The following ARHGAP11B variants were observed in gnomAD, a reference collection of about 807,000 sequenced individuals.
ARHGAP11B encodes Rho GTPase activating protein 11B.
A neutral mutation model predicts 27.6 loss-of-function variants in ARHGAP11B; 14 were observed. That is an observed-to-expected ratio of 0.51 (90% CI 0.34 to 0.79). The LOEUF is 0.79. Ranked by LOEUF, ARHGAP11B falls within the 30% of genes least tolerant of loss-of-function variation. The pLI, the probability that ARHGAP11B is intolerant of heterozygous loss-of-function variation, is 0.02. For synonymous variants in ARHGAP11B, 82 were observed against 114.1 expected (o/e 0.72, Z 1.80); for missense variants, 245 against 320.1 (o/e 0.77, Z 1.79).
chr15:30,643,372 G>A (rs1161463492), intron 7 of ARHGAP11B, among the ~76,000 whole-genome samples: 8 of 150,924 alleles, frequency 5.3e-5, no homozygotes, highest in Admixed American at 6.6e-5. Flanking sequence ...TCTGCCGACC[G>A]GGTTCAAGCT....
At chr15:30,633,276 C>T (rs1043032580) in intron 2 of ARHGAP11B, among the ~76,000 whole-genome samples, 1 of 151,882 alleles carries the variant, frequency 6.6e-6, no homozygotes, top group African/African-American at 2.4e-5. Flanking sequence ...ATTTAGTGTG[C>T]ATATTGGAGT....
rs1470525621 is a variant in ARHGAP11B, at chr15:30,628,669, T to C, written c.129+1720T>C. ...TGCCTCCTAATTGGTAATCACGCCA[T>C]ATAAATTCAGCTAGAAACACTTATA... On this transcript the variant is annotated intron_variant, in intron 1 of 10. Transcript: ENST00000428041. Among the ~76,000 whole-genome samples, 5 of 152,198 alleles carry C rather than the reference T, an allele frequency of 3.3e-5. No individual in the cohort carries two copies. In the East Asian group the frequency reaches 5.8e-4, roughly 18 times the overall value.
chr15:30,644,288 C>G (rs1487151248), intron 7 of ARHGAP11B, among the ~76,000 whole-genome samples: 1 of 152,012 alleles, frequency 6.6e-6, no homozygotes, highest in Non-Finnish European at 1.5e-5. Context: ...TTTGTATCCC[C>G]CTTAGCACTT....
Position 30,626,827 on chromosome 15 carries a change from G to A in ARHGAP11B, c.7G>A (p.Asp3Asn), listed in dbSNP as rs375258221. 55 of 1,613,550 alleles carry A rather than the reference G, an allele frequency of 3.4e-5. No individual in the cohort carries two copies. The African/African-American group carries it at 6.0e-4, about 18-fold the overall frequency. ...AGTTATCGACGTATCCGGAATGTGG[G>A]ATCAGAGGCTGGTGAAGTTGGCCCT... Residue 3 changes from aspartate to asparagine, a missense_variant, in exon 1 of 11, where the codon GAT becomes AAT. Transcript: ENST00000428041.
intron 7 of ARHGAP11B, chr15:30,644,605 T>C: frequency 1.4e-6 from 2 of 1,393,994 alleles, no homozygotes; most frequent in South Asian, 2.3e-5. Context: ...ATCTCAAAAA[T>C]TGTCTCAAAA....
At position 30,633,595 on chromosome 15, in the gene ARHGAP11B, A is replaced by G; in HGVS notation, c.297+9A>G. On this transcript the variant is annotated intron_variant, in intron 3 of 10. Transcript: ENST00000428041. ...GCCTAAAAGCACTAAAGGTGAGCAT[A>G]TTGTTGAACTATAATTTTTCATTTG... 1 of 1,598,736 alleles carries G rather than the reference A, an allele frequency of 6.3e-7. No individual in the cohort carries two copies. Among genetic ancestry groups the G allele is most frequent in the Non-Finnish European group, 8.5e-7 (1 of 1,173,452 alleles).
Position 30,641,932 on chromosome 15 carries a change from G to A in ARHGAP11B, c.*79-2707G>A, listed in dbSNP as rs569783619. On this transcript the variant is annotated intron_variant, in intron 7 of 10. Transcript: ENST00000428041. ...GGATTTCACCATGTTGGCCAGGCTC[G>A]TTTGAACTCCTGGCCTCAAGCAATC... Among the ~76,000 whole-genome samples, 6 of 151,874 alleles carry A rather than the reference G, an allele frequency of 4.0e-5. 1 individual carries two copies. Among genetic ancestry groups the A allele is most frequent in the Admixed American group, 1.3e-4 (2 of 15,230 alleles).
At chr15:30,632,415 C>G (rs2140893543) in intron 2 of ARHGAP11B, among the ~76,000 whole-genome samples, 1 of 148,688 alleles carries the variant, frequency 6.7e-6, no homozygotes, top group Non-Finnish European at 1.5e-5. Flanking sequence ...GACACTGTCT[C>G]AAAAACTAAA....
chr15:30,633,200 A>C (rs1377966560), intron 2 of ARHGAP11B, among the ~76,000 whole-genome samples: 1 of 151,290 alleles, frequency 6.6e-6, no homozygotes, highest in Non-Finnish European at 1.5e-5. Flanking sequence ...AAGTAGAGGC[A>C]GAAAAAAAAG....
chr15:30,630,918 G>T, intron 2 of ARHGAP11B, 145 bp downstream of exon 2: 1 of 1,442,170 alleles, frequency 6.9e-7, no homozygotes, highest in Non-Finnish European at 9.3e-7. Flanking sequence ...TGTCGCAAAA[G>T]ATAGAAAAAT....
At chr15:30,634,702 A>C (rs1441514438) in intron 4 of ARHGAP11B, among the ~76,000 whole-genome samples, 1 of 151,586 alleles carries the variant, frequency 6.6e-6, no homozygotes, top group Non-Finnish European at 1.5e-5. Flanking sequence ...GGTTTTTAAA[A>C]TATTTCTGTT....
intron 2 of ARHGAP11B, among the ~76,000 whole-genome samples, chr15:30,631,460 AG>A (rs553890312): frequency 1.9e-3 from 292 of 152,168 alleles, no homozygotes; most frequent in African/African-American, 6.6e-3. Flanking sequence ...CAGGATTTTG[AG>A]ACCAGTCTGG....
In ARHGAP11B at chr15:30,635,121, T is replaced by C. The variant is rs758464894; in HGVS notation, c.593T>C (p.Ile198Thr). The change falls in exon 5 of 11, where the codon ATA becomes ACA. Residue 198 changes from isoleucine to threonine, a missense_variant. Physicochemically the swap from Ile to Thr is moderately conservative, Grantham distance 89. Coordinates refer to ENST00000428041, the Ensembl canonical transcript of ARHGAP11B. ...ATGGATAGCAGCAATCTTGCAGTAA[T>C]ATTTGCACCAAATCTTCTTCAGACA... The C allele has an allele frequency of 1.7e-5, 27 of 1,613,412 alleles. 1 individual carries two copies. In the Admixed American group the frequency reaches 4.2e-4, roughly 25 times the overall value.
chr15:30,643,742 G>A lies in ARHGAP11B; in HGVS notation c.*79-897G>A, dbSNP rs2648146. Among the ~76,000 whole-genome samples, 7 of 151,934 alleles carry A rather than the reference G, an allele frequency of 4.6e-5. 1 individual carries two copies. The highest frequency in any genetic ancestry group is 7.4e-5 in the Non-Finnish European group (5 of 67,970). ...GAATTTGGATTATGAGATTAGAATG[G>A]GAATATGCATTTTAGTAAGAATACT... On this transcript the variant is annotated intron_variant, in intron 7 of 10. Transcript: ENST00000428041.
In ARHGAP11B at chr15:30,626,224, GAGGC is replaced by G. The variant is rs1567507841; in HGVS notation, c.-592_-589del. ...ACCGGGATGTGCAGGCCGGGAGGTA[GAGGC>G]AGGCTGATGGGGGAGGGAACGAGCA... is the stretch of plus-strand genomic sequence containing the variant. On this transcript the variant is annotated 5_prime_UTR_variant, in exon 1 of 11. It introduces an in-frame stop codon into an upstream open reading frame of the 5' UTR. Coordinates refer to ENST00000428041, the Ensembl canonical transcript of ARHGAP11B. 6.5e-6 allele frequency: 1 copy of G among 152,890 alleles called. No individual in the cohort carries two copies. Among genetic ancestry groups the G allele is most frequent in the Non-Finnish European group, 1.5e-5 (1 of 68,292 alleles). The allele number at this position is 152,890 out of a possible 1,614,324, so 9.5% of individuals were successfully genotyped here. A position where few individuals can be genotyped will look rare whatever the true frequency, so the allele number is the denominator to read the frequency against.
chr15:30,644,711 A>G lies in ARHGAP11B; in HGVS notation c.*142+9A>G. ...TCTACCAGCATTTTCAGGTAGGATC[A>G]TAAAGGACTTATCGAACATGTAGAC... is the stretch of plus-strand genomic sequence containing the variant. On this transcript the variant is annotated intron_variant, in intron 8 of 10. Coordinates refer to ENST00000428041, the Ensembl canonical transcript of ARHGAP11B. 3 of 1,547,576 alleles carry G rather than the reference A, an allele frequency of 1.9e-6. No individual in the cohort carries two copies. The Admixed American group carries it at 5.1e-5, about 26-fold the overall frequency.
exon 2 of ARHGAP11B, chr15:30,630,750 A>G (rs759298263): frequency 6.2e-7 from 1 of 1,611,634 alleles, no homozygotes; most frequent in Non-Finnish European, 8.5e-7. Flanking sequence ...ATTCTGCTGT[A>G]CCAGAATATG....
At chr15:30,627,828 A>T (rs2060219941) in intron 1 of ARHGAP11B, among the ~76,000 whole-genome samples, 1 of 151,966 alleles carries the variant, frequency 6.6e-6, no homozygotes, top group Non-Finnish European at 1.5e-5. Flanking sequence ...ATGGTTTCTA[A>T]AAAAAAGTGC....
chr15:30,647,441 TAGAGAATATAA>T (rs2060357448), intron 9 of ARHGAP11B, among the ~76,000 whole-genome samples: 1 of 151,960 alleles, frequency 6.6e-6, no homozygotes, highest in African/African-American at 2.4e-5. Flanking sequence ...GGCAGTCATT[TAGAGAATATAA>T]AGTGGTAGGA....
Sources: gnomAD v4.1 joint callset for allele counts (sites outside exome capture counted in the v4.1 genomes callset) on GRCh38, gnomAD v4.1.1 for gene constraint, MANE v1.5 for transcripts, NCBI Gene and HGNC (gene_info 2026-07-23, HGNC 2026-07-21) for gene names.